Variants in SVIL observed in about 807,000 individuals in gnomAD.
SVIL encodes the protein archvillin.
A neutral mutation model predicts 240.4 loss-of-function variants in SVIL; 101 were observed. The ratio of observed to expected loss-of-function variants is 0.42; its 90% CI spans 0.36 to 0.50. The LOEUF (loss-of-function observed/expected upper bound fraction) is 0.50, where lower values mean the gene tolerates loss of function less well. Among genes scored for constraint, SVIL ranks in the 20% least tolerant of loss-of-function variants. The pLI, the probability that SVIL is intolerant of heterozygous loss-of-function variation, is 0.01. For synonymous variants in SVIL, 999 were observed against 1,100.0 expected (o/e 0.91, Z 1.82); for missense variants, 2,512 against 2,818.7 (o/e 0.89, Z 2.46).
In SVIL at chr10:29,522,475, C is replaced by T. The variant is rs1417244534; in HGVS notation, c.3324G>A (p.Glu1108=). 1.2e-6 allele frequency: 2 copies of T among 1,614,064 alleles called. No homozygotes were observed. The highest frequency in any genetic ancestry group is 1.7e-6 in the Non-Finnish European group (2 of 1,180,044). The change falls in exon 16 of 38, where the codon GAG becomes GAA. Residue 1108 remains glutamate (E), a synonymous_variant. Transcript: ENST00000355867. ...KNPCAMFAAG[E]IKTPTGEGLL... ...GGCCCTCCCCTGTCGGCGTTTTGAT[C>T]TCTCCAGCAGCAAACATCGCACATG...
chr10:29,647,164 G>A (rs186869581), intron 3 of SVIL: 1 of 152,306 alleles, frequency 6.6e-6, no homozygotes, highest in African/African-American at 2.4e-5. Flanking sequence ...GGAACATACA[G>A]TTCTGAAGAA....
intron 1 of SVIL, among the ~76,000 whole-genome samples, chr10:29,722,597 C>T (rs1008123804): frequency 2.0e-5 from 3 of 152,192 alleles, no homozygotes; most frequent in African/African-American, 7.2e-5. Flanking sequence ...AAGTTGTGCA[C>T]ATTTAAAAAT....
chr10:29,685,256 C>G (rs1319522803), intron 2 of SVIL, among the ~76,000 whole-genome samples: 1 of 152,196 alleles, frequency 6.6e-6, no homozygotes, highest in East Asian at 1.9e-4. Context: ...TGATCTCGTT[C>G]TTTCTCATGT....
intron 10 of SVIL, 79 bp from the exon 11 acceptor site, chr10:29,530,747 A>C: frequency 6.6e-7 from 1 of 1,520,318 alleles, no homozygotes. Flanking sequence ...TTCAGGGCTG[A>C]CCTGGAAATC....
intron 1 of SVIL, among the ~76,000 whole-genome samples, chr10:29,588,369 C>T (rs142654888): frequency 3.9e-3 from 598 of 151,854 alleles, no homozygotes; most frequent in Middle Eastern, 0.014. Context: ...CCCTTTGTGC[C>T]GGTGTCCAGT....
intron 18 of SVIL, among the ~76,000 whole-genome samples, chr10:29,498,413 C>T (rs532304492): frequency 6.6e-6 from 1 of 151,962 alleles, no homozygotes; most frequent in South Asian, 2.1e-4. Context: ...AGTGAAACTC[C>T]GTCTAAATAA....
At chr10:29,548,251 G>C (rs1952877551) in intron 6 of SVIL, among the ~76,000 whole-genome samples, 1 of 152,054 alleles carries the variant, frequency 6.6e-6, no homozygotes, top group South Asian at 2.1e-4. Context: ...CTGTGTCCCA[G>C]TGGGAAAAAA....
chr10:29,497,209 AT>A (rs1283444202), intron 18 of SVIL, among the ~76,000 whole-genome samples: 1 of 152,218 alleles, frequency 6.6e-6, no homozygotes, highest in East Asian at 1.9e-4. Flanking sequence ...AACATTCATT[AT>A]ATACCTATAA....
At chr10:29,487,622 C>T (rs1273497755) in intron 23 of SVIL, 7 of 219,612 alleles carry the variant, frequency 3.2e-5, no homozygotes, top group South Asian at 2.0e-4. Flanking sequence ...ACTCTTCTCC[C>T]GGGGCCTTTC....
At chr10:29,530,575 G>T in intron 11 of SVIL, 32 bp downstream of exon 11, 1 of 1,613,156 alleles carries the variant, frequency 6.2e-7, no homozygotes, top group Non-Finnish European at 8.5e-7. Flanking sequence ...ACCCAGTAGG[G>T]ATCTCTATTC....
intron 1 of SVIL, chr10:29,602,442 C>T: frequency 3.1e-6 from 1 of 317,804 alleles, no homozygotes; most frequent in Non-Finnish European, 6.5e-6. Flanking sequence ...AGAGGTATTA[C>T]ATACACTCTT....
In SVIL at chr10:29,532,998, G is replaced by A. The variant is rs1413693224; in HGVS notation, c.1369C>T (p.Leu457=). The A allele has an allele frequency of 1.2e-6, 2 of 1,614,048 alleles. No homozygotes were observed. Among genetic ancestry groups the A allele is most frequent in the African/African-American group, 2.7e-5 (2 of 74,938 alleles). The part of the protein sequence containing the change: ...EALEQSKKTL[L]ALEGDGLVRS... ...ACTAGCCCATCACCCTCCAAAGCCA[G>A]TAGGGTTTTCTTGCTTTGCTCGAGA... The change falls in exon 8 of 38, where the codon CTG becomes TTG. Residue 457 remains leucine, a synonymous_variant. Transcript: ENST00000355867.
chr10:29,584,147 A>C (rs1213288126), intron 1 of SVIL, among the ~76,000 whole-genome samples: 1 of 152,234 alleles, frequency 6.6e-6, no homozygotes. Context: ...CAGGGAGGCC[A>C]TGGGCCCTCA....
intron 1 of SVIL, among the ~76,000 whole-genome samples, chr10:29,732,285 T>C (rs1413750831): frequency 6.6e-6 from 1 of 152,094 alleles, no homozygotes; most frequent in East Asian, 1.9e-4. Flanking sequence ...TAACGTTTCT[T>C]TATGTTGCTT....
chr10:29,527,090 TA>T (rs760545221), intron 12 of SVIL, 34 bp from the exon 13 acceptor site: 5 of 1,573,704 alleles, frequency 3.2e-6, no homozygotes, highest in Non-Finnish European at 4.4e-6. Context: ...GAAACATTCA[TA>T]AGGAGAGAGA....
At chr10:29,694,140 A>C (rs1182509776) in intron 1 of SVIL, among the ~76,000 whole-genome samples, 1 of 148,920 alleles carries the variant, frequency 6.7e-6, no homozygotes, top group Non-Finnish European at 1.5e-5. Context: ...TGATATTGGC[A>C]GGGTAGTGCT....
chr10:29,526,341 T>C (rs1334105705), intron 13 of SVIL, among the ~76,000 whole-genome samples: 4 of 145,812 alleles, frequency 2.7e-5, no homozygotes, highest in African/African-American at 1.0e-4. Flanking sequence ...AGTCTTGCTC[T>C]GTCACCAGGC....
At chr10:29,541,305 C>A (rs746846413) in intron 6 of SVIL, among the ~76,000 whole-genome samples, 1 of 152,122 alleles carries the variant, frequency 6.6e-6, no homozygotes, top group African/African-American at 2.4e-5. Context: ...TTTGCACATG[C>A]GGTCAAGAAT....
chr10:29,663,337 T>C (rs1277463071), intron 2 of SVIL, among the ~76,000 whole-genome samples: 6 of 152,274 alleles, frequency 3.9e-5, no homozygotes, highest in Middle Eastern at 3.4e-3. Context: ...GATTTGATGG[T>C]GACAACTTTT....
Sources: gnomAD v4.1 joint callset for allele counts (sites outside exome capture counted in the v4.1 genomes callset) on GRCh38, gnomAD v4.1.1 for gene constraint, MANE v1.5 for transcripts, NCBI Gene and HGNC (gene_info 2026-07-23, HGNC 2026-07-21) for gene names.